The following NAT10 variants were observed in gnomAD, a reference collection of about 807,000 sequenced individuals.
NAT10 encodes the protein N-acetyltransferase 10, also known as RNA cytidine acetyltransferase.
Under a neutral mutation model 132.2 loss-of-function variants are expected in NAT10, and 109 were observed. That is an observed-to-expected ratio of 0.82 (90% CI 0.71 to 0.97). The LOEUF is 0.97. Among genes scored for constraint, NAT10 ranks in the 50% least tolerant of loss-of-function variants. The probability of loss-of-function intolerance (pLI) is 0.00; values close to 1 mark genes in which losing one functional copy is unlikely to be tolerated. For missense variants in NAT10, 1,184 were observed against 1,263.4 expected, an observed-to-expected ratio of 0.94 and a Z score of 0.95; for synonymous variants, 479 against 478.0, an observed-to-expected ratio of 1.00 and a Z score of -0.03.
intron 6 of NAT10, 26 bp from the exon 7 acceptor site, chr11:34,118,154 T>G (rs763385128): frequency 1.9e-6 from 3 of 1,574,408 alleles, no homozygotes; most frequent in Non-Finnish European, 2.6e-6. Flanking sequence ...TCCCCAACAC[T>G]TCATTGCAGC....
In NAT10 at chr11:34,143,511, G is replaced by T. The variant is rs747148208; in HGVS notation, c.2952G>T (p.Ser984=). 2.6e-5 allele frequency: 42 copies of T among 1,613,998 alleles called. No homozygotes were observed. Among genetic ancestry groups the T allele is most frequent in the Middle Eastern group, 1.6e-4 (1 of 6,062 alleles). The change falls in exon 28 of 29, where the codon TCG becomes TCT. Residue 984 remains serine, a synonymous_variant. Coordinates refer to ENST00000257829, the MANE Select transcript of NAT10 (RefSeq NM_024662.3). The stretch of plus-strand genomic sequence containing the variant: ...TGAACAAAGCTGGGCCGAACGCCTC[G>T]ATCATCAGCCTGAAAAGGTGAGGGC... ...EVLNKAGPNA[S]IISLKSDKKR...
rs767132634 is a variant in NAT10 at position 34,133,128 on chromosome 11, C to T, written c.1720C>T (p.Leu574Phe). 6.2e-7 allele frequency: 1 copy of T among 1,613,234 alleles called. No individual in the cohort carries two copies. The highest frequency in any genetic ancestry group is 8.5e-7 in the Non-Finnish European group (1 of 1,179,180). ...PPTQNALPEV[L>F]AVIQVCLEGE... is the part of the protein sequence containing the mutation. ...CACCCAGAATGCCCTTCCAGAAGTG[C>T]TTGCTGTTATCCAGGTATAGGAGCA... is the stretch of plus-strand genomic sequence containing the variant. Residue 574 changes from leucine to phenylalanine, a missense_variant, in exon 16 of 29, where the codon CTT becomes TTT. Physicochemically the swap from Leu to Phe is conservative, Grantham distance 22. Coordinates refer to ENST00000257829, the MANE Select transcript of NAT10 (RefSeq NM_024662.3).
At chr11:34,114,341 A>G (rs1322817503) in intron 5 of NAT10, among the ~76,000 whole-genome samples, 3 of 152,200 alleles carry the variant, frequency 2.0e-5, no homozygotes, top group Non-Finnish European at 2.9e-5. Flanking sequence ...AATTAGGGAT[A>G]TGTCTCACCT....
Position 34,143,429 on chromosome 11 carries a change from C to A in NAT10, c.2886-16C>A. On this transcript the variant is annotated splice_polypyrimidine_tract_variant and intron_variant, in intron 27 of 28. Transcript: ENST00000257829. Reference sequence around the variant, plus strand: ...TTCTTTCTAGCAGGCTTTGATAGTTCCCTTCTTTTTTTTAGATACATAATC... The same window carrying A: ...TTCTTTCTAGCAGGCTTTGATAGTTACCTTCTTTTTTTTAGATACATAATC... 1.9e-6 allele frequency: 3 copies of A among 1,581,694 alleles called. No homozygotes were observed. Among genetic ancestry groups the A allele is most frequent in the South Asian group, 1.1e-5 (1 of 90,154 alleles).
intron 25 of NAT10, 106 bp from the exon 26 acceptor site, chr11:34,141,613 C>T: frequency 1.0e-6 from 1 of 969,552 alleles, no homozygotes; most frequent in Non-Finnish European, 1.6e-6. Flanking sequence ...TGCTTTGTGT[C>T]TTCAAAATGC....
In NAT10 at chr11:34,135,254, T is replaced by G. The variant is rs1436277432; in HGVS notation, c.1991T>G (p.Leu664Arg). ...GRFPCLEEKV[L>R]ETPQEIHTVS... is the part of the protein sequence containing the mutation. ...TTTCCTTGTCTGGAGGAAAAGGTCC[T>G]TGAGACACCACAGGAAATTCACACC... is the stretch of plus-strand genomic sequence containing the variant. Residue 664 changes from leucine (L) to arginine (R), a missense_variant, in exon 19 of 29, where the codon CTT (leucine) becomes CGT (arginine). Transcript: ENST00000257829. The G allele has an allele frequency of 6.2e-7, 1 of 1,614,196 alleles. No homozygotes were observed. The highest frequency in any genetic ancestry group is 1.7e-5 in the Admixed American group (1 of 60,032).
chr11:34,132,198 C>T lies in NAT10; in HGVS notation c.1594C>T (p.Leu532Phe). 1.2e-6 allele frequency: 2 copies of T among 1,614,008 alleles called. No homozygotes were observed. The highest frequency in any genetic ancestry group is 1.7e-6 in the Non-Finnish European group (2 of 1,179,880). Reference sequence around the variant, plus strand: ...AGTTTTCCTCCAACGGCTTATGGCCCTCTACGTGGCTTCTCACTACAAGGT... The same window carrying T: ...AGTTTTCCTCCAACGGCTTATGGCCTTCTACGTGGCTTCTCACTACAAGGT... ...SEVFLQRLMA[L>F]YVASHYKNSP... The change falls in exon 15 of 29, where the codon CTC becomes TTC. Residue 532 changes from leucine (L) to phenylalanine (F), a missense_variant. Leu to Phe is a conservative substitution (Grantham distance 22, BLOSUM62 0). Transcript: ENST00000257829.
At chr11:34,140,864 G>A (rs1290076235) in intron 24 of NAT10, among the ~76,000 whole-genome samples, 1 of 151,882 alleles carries the variant, frequency 6.6e-6, no homozygotes, top group Non-Finnish European at 1.5e-5. Context: ...TAATGTAGTT[G>A]TGAAGCAGGT....
Position 34,133,127 on chromosome 11 carries a change from G to T in NAT10, c.1719G>T (p.Val573=). ...CCACCCAGAATGCCCTTCCAGAAGTGCTTGCTGTTATCCAGGTATAGGAGC... is the reference window on the plus strand; with the variant it reads ...CCACCCAGAATGCCCTTCCAGAAGTTCTTGCTGTTATCCAGGTATAGGAGC... The part of the protein sequence containing the change: ...VPPTQNALPE[V]LAVIQVCLEG... The change falls in exon 16 of 29, where the codon GTG becomes GTT. Residue 573 remains valine (V), a synonymous_variant. Coordinates refer to ENST00000257829, the MANE Select transcript of NAT10 (RefSeq NM_024662.3). 1 of 1,613,512 alleles carries T rather than the reference G, an allele frequency of 6.2e-7. No individual in the cohort carries two copies. The highest frequency in any genetic ancestry group is 1.1e-5 in the South Asian group (1 of 91,074).
intron 20 of NAT10, 31 bp downstream of exon 20, chr11:34,136,806 C>T: frequency 6.2e-7 from 1 of 1,614,046 alleles, no homozygotes; most frequent in Non-Finnish European, 8.5e-7. Context: ...CACGGCATCA[C>T]TCCTTGGCAT....
At chr11:34,134,917 A>T (rs1367291845) in intron 18 of NAT10, among the ~76,000 whole-genome samples, 2 of 152,216 alleles carry the variant, frequency 1.3e-5, no homozygotes, top group Non-Finnish European at 1.5e-5. Context: ...GCCCATCTGG[A>T]GACCAGAAAG....
chr11:34,127,725 C>A, intron 12 of NAT10, 126 bp downstream of exon 12: 1 of 1,191,632 alleles, frequency 8.4e-7, no homozygotes, highest in Non-Finnish European at 1.2e-6. Flanking sequence ...GTGTTTGAGG[C>A]TGCTTCATTC....
At chr11:34,110,559 C>CTTTTTTTT (rs948109196) in intron 3 of NAT10, among the ~76,000 whole-genome samples, 20 of 101,744 alleles carry the variant, frequency 2.0e-4, no homozygotes, top group African/African-American at 6.3e-4. Context: ...TTTTCTTTCC[C>CTTTTTTTT]TTTTTTTTTT....
chr11:34,134,239 C>A (rs1013196478), intron 16 of NAT10, 80 bp from the exon 17 acceptor site: 11 of 1,242,556 alleles, frequency 8.9e-6, no homozygotes, highest in African/African-American at 1.5e-5. Flanking sequence ...TGGCCTAGTT[C>A]GAGAAACAAG....
intron 8 of NAT10, among the ~76,000 whole-genome samples, chr11:34,122,144 C>T (rs1459390320): frequency 1.3e-5 from 2 of 152,084 alleles, no homozygotes; most frequent in African/African-American, 2.4e-5. Flanking sequence ...CCATTGCACT[C>T]CAGCCTGGGC....
chr11:34,112,170 TACA>T lies in NAT10; in HGVS notation c.322_324del (p.Asn108del). 6.2e-7 allele frequency: 1 copy of T among 1,614,248 alleles called. No homozygotes were observed. The stretch of plus-strand genomic sequence containing the variant: ...AGCCACAAACATTCGCTACTGCTAC[TACA>T]ACGAGACCCACAAGATCCTGGGCAA... On this transcript the variant is annotated inframe_deletion, in exon 4 of 29. Transcript: ENST00000257829.
chr11:34,108,184 G>A, intron 1 of NAT10, 27 bp from the exon 2 acceptor site: 2 of 1,503,372 alleles, frequency 1.3e-6, no homozygotes, highest in Non-Finnish European at 1.9e-6. Context: ...TAGTGCGCAT[G>A]GCCAGTTGTA....
chr11:34,108,670 A>G, intron 2 of NAT10, 72 bp from the exon 3 acceptor site: 5 of 1,377,834 alleles, frequency 3.6e-6, no homozygotes, highest in Non-Finnish European at 4.0e-6. Flanking sequence ...CATCCGTCAA[A>G]TGAGGTCTTA....
intron 28 of NAT10, among the ~76,000 whole-genome samples, chr11:34,143,879 G>A (rs1032403373): frequency 3.3e-5 from 5 of 152,304 alleles, no homozygotes; most frequent in South Asian, 4.1e-4. Context: ...TAAGGGGGCT[G>A]TTTTATTACT....
Sources: gnomAD v4.1 joint callset for allele counts (sites outside exome capture counted in the v4.1 genomes callset) on GRCh38, gnomAD v4.1.1 for gene constraint, MANE v1.5 for transcripts, NCBI Gene and HGNC (gene_info 2026-07-23, HGNC 2026-07-21) for gene names.